The following TBC1D7 variants were observed in gnomAD, a reference collection of about 807,000 sequenced individuals.
TBC1D7 encodes TBC domain family 7.
Under a neutral mutation model 35.3 loss-of-function variants are expected in TBC1D7, and 33 were observed. The observed-to-expected ratio is 0.93, with a 90% CI of 0.71 to 1.25. TBC1D7 has a LOEUF of 1.25. Among genes scored for constraint, TBC1D7 ranks in the 50% most tolerant of loss-of-function variants. The pLI, the probability that TBC1D7 is intolerant of heterozygous loss-of-function variation, is 0.00. For missense variants in TBC1D7, 362 were observed against 365.3 expected (o/e 0.99, Z 0.07); for synonymous variants, 135 against 129.5 (o/e 1.04, Z -0.29).
At chr6:13,327,490 A>G (rs1030057593) in intron 1 of TBC1D7, among the ~76,000 whole-genome samples, 1 of 152,190 alleles carries the variant, frequency 6.6e-6, no homozygotes, top group African/African-American at 2.4e-5. Context: ...GTTATATAAA[A>G]GTAAAAAGCC....
chr6:13,321,651 T>C (rs1784051620), intron 3 of TBC1D7, among the ~76,000 whole-genome samples: 1 of 152,222 alleles, frequency 6.6e-6, no homozygotes, highest in African/African-American at 2.4e-5. Flanking sequence ...CATTTAAACA[T>C]GGTGTCATAT....
At position 13,326,772 on chromosome 6, in the gene TBC1D7, T is replaced by C; in HGVS notation, c.112+15A>G. ...TGATTGAGAACCAATGAGATTAATT[T>C]TTAAAAGTACTCACCCAGACGGTCA... On this transcript the variant is annotated intron_variant, in intron 2 of 7. Transcript: ENST00000379300. The C allele has an allele frequency of 6.5e-7, 1 of 1,547,016 alleles. No homozygotes were observed. Among genetic ancestry groups the C allele is most frequent in the Non-Finnish European group, 8.9e-7 (1 of 1,124,174 alleles).
chr6:13,315,259 C>T (rs1254042594), intron 5 of TBC1D7, among the ~76,000 whole-genome samples: 1 of 152,242 alleles, frequency 6.6e-6, no homozygotes, highest in African/African-American at 2.4e-5. Flanking sequence ...CTCCCTCCTC[C>T]TGCTCAGCCT....
At chr6:13,306,611 C>A (rs1562155571) in intron 6 of TBC1D7, 84 bp from the exon 7 acceptor site, 4 of 1,108,166 alleles carry the variant, frequency 3.6e-6, no homozygotes, top group Middle Eastern at 6.3e-4. Context: ...AAAATAAAAT[C>A]AAATTGCTCC....
intron 5 of TBC1D7, among the ~76,000 whole-genome samples, chr6:13,313,855 A>T (rs1234614340): frequency 6.6e-6 from 1 of 152,182 alleles, no homozygotes; most frequent in African/African-American, 2.4e-5. Flanking sequence ...GTCAGGACTG[A>T]AAACTAGTGA....
intron 3 of TBC1D7, 61 bp downstream of exon 3, chr6:13,325,033 G>T: frequency 7.9e-6 from 10 of 1,272,816 alleles, no homozygotes; most frequent in Non-Finnish European, 1.1e-5. Flanking sequence ...TGATAAGATA[G>T]CAAATGATCC....
chr6:13,324,144 T>A (rs75977972), intron 3 of TBC1D7, among the ~76,000 whole-genome samples: 1 of 148,992 alleles, frequency 6.7e-6, no homozygotes, highest in African/African-American at 2.5e-5. Flanking sequence ...TTTTTTTTTT[T>A]GGAGACGGAG....
intron 4 of TBC1D7, 90 bp from the exon 5 acceptor site, chr6:13,316,798 A>G: frequency 6.7e-7 from 1 of 1,488,590 alleles, no homozygotes; most frequent in African/African-American, 1.4e-5. Context: ...TGCTCCCTAA[A>G]TTTTGAAAAG....
chr6:13,323,567 A>G (rs1784196246), intron 3 of TBC1D7: 1 of 152,198 alleles, frequency 6.6e-6, no homozygotes, highest in African/African-American at 2.4e-5. Flanking sequence ...GAGAACAGTA[A>G]CATTTAAAGA....
intron 5 of TBC1D7, among the ~76,000 whole-genome samples, chr6:13,315,413 A>G (rs1028355899): frequency 2.0e-5 from 3 of 152,218 alleles, no homozygotes; most frequent in Non-Finnish European, 4.4e-5. Context: ...TACTGAATAC[A>G]CATATAACAA....
intron 2 of TBC1D7, among the ~76,000 whole-genome samples, 183 bp from the exon 3 acceptor site, chr6:13,325,357 C>A (rs1205030938): frequency 6.6e-6 from 1 of 152,156 alleles, no homozygotes; most frequent in Non-Finnish European, 1.5e-5. Flanking sequence ...CTTCTGCCAA[C>A]TAAGTTATTT....
At chr6:13,314,046 A>G (rs941731195) in intron 5 of TBC1D7, among the ~76,000 whole-genome samples, 2 of 152,102 alleles carry the variant, frequency 1.3e-5, no homozygotes, top group African/African-American at 4.8e-5. Flanking sequence ...GTGAAACCCC[A>G]TCTCTACTAA....
At chr6:13,311,976 T>C (rs1036458044) in intron 5 of TBC1D7, among the ~76,000 whole-genome samples, 8 of 151,708 alleles carry the variant, frequency 5.3e-5, no homozygotes, top group Admixed American at 1.3e-4. Context: ...TATATATATA[T>C]ACACACACAC....
intron 5 of TBC1D7, among the ~76,000 whole-genome samples, chr6:13,314,173 C>A (rs931318168): frequency 6.6e-6 from 1 of 151,288 alleles, no homozygotes; most frequent in South Asian, 2.1e-4. Flanking sequence ...CCACTGCACT[C>A]CCGCCTTGGC....
At chr6:13,305,338 T>A in intron 7 of TBC1D7, 151 bp from the exon 8 acceptor site, 1 of 749,812 alleles carries the variant, frequency 1.3e-6, no homozygotes, top group Non-Finnish European at 2.3e-6. Flanking sequence ...ACATGCTACC[T>A]GAGGACATGA....
At chr6:13,325,578 G>A (rs912006058) in intron 2 of TBC1D7, among the ~76,000 whole-genome samples, 25 of 152,162 alleles carry the variant, frequency 1.6e-4, no homozygotes, top group Middle Eastern at 3.2e-3. Flanking sequence ...CAGAAGGATC[G>A]CCTGAACCCA....
intron 5 of TBC1D7, among the ~76,000 whole-genome samples, chr6:13,309,332 T>G (rs1172921095): frequency 1.3e-5 from 2 of 152,236 alleles, no homozygotes; most frequent in East Asian, 3.8e-4. Context: ...ATGTATTGTC[T>G]TTTTCCTTTA....
At chr6:13,305,208 CT>C in intron 7 of TBC1D7, 21 bp from the exon 8 acceptor site, 1 of 1,613,424 alleles carries the variant, frequency 6.2e-7, no homozygotes, top group East Asian at 2.2e-5. Context: ...GCAAATCAGT[CT>C]TTGTGAAATT....
chr6:13,317,589 T>C (rs1353285575), intron 4 of TBC1D7, among the ~76,000 whole-genome samples: 1 of 152,158 alleles, frequency 6.6e-6, no homozygotes, highest in Non-Finnish European at 1.5e-5. Context: ...ATAATTTAAA[T>C]CATAGGGAAT....
Sources: allele counts gnomAD v4.1 joint callset (sites outside exome capture counted in the v4.1 genomes callset), GRCh38; gene constraint gnomAD v4.1.1; transcripts MANE v1.5; gene names NCBI Gene and HGNC (gene_info 2026-07-23, HGNC 2026-07-21).